The following RCAN3 variants were observed in gnomAD, a reference collection of about 807,000 sequenced individuals.
RCAN3 encodes regulator of calcineurin 3, also known as calcipressin-3.
RCAN3 carries 19 observed loss-of-function variants against 21.9 expected under a neutral mutation model. The ratio of observed to expected loss-of-function variants is 0.87; its 90% CI spans 0.61 to 1.27. The LOEUF (loss-of-function observed/expected upper bound fraction) is 1.27. RCAN3 is among the 50% of genes most tolerant of loss of function. The pLI is 0.00. For synonymous variants in RCAN3, 114 were observed against 112.3 expected, an observed-to-expected ratio of 1.01 and a Z score of -0.09; for missense variants, 240 against 300.1, an observed-to-expected ratio of 0.80 and a Z score of 1.48.
chr1:24,530,356 C>CAAAAAAAAAAAAAAA lies in RCAN3; in HGVS notation c.196-853_196-839dup, dbSNP rs56914359. On this transcript the variant is annotated intron_variant, in intron 2 of 4. Coordinates refer to ENST00000374395, the MANE Select transcript of RCAN3 (RefSeq NM_013441.4). Reference sequence around the variant, plus strand: ...GGCAACAGAGTGAGACTCTTATCTCCAAAAAAAAAAAAAAAAAAAAAAAGA... The same window carrying CAAAAAAAAAAAAAAA: ...GGCAACAGAGTGAGACTCTTATCTCCAAAAAAAAAAAAAAAAAAAAAAAAAAAAAAAAAAAAAAGA... Among the ~76,000 whole-genome samples, 184 of 81,476 alleles carry CAAAAAAAAAAAAAAA rather than the reference C, an allele frequency of 2.3e-3. 5 individuals carry two copies. The highest frequency in any genetic ancestry group is 3.0e-3 in the Non-Finnish European group (127 of 41,922). The allele number at this position is 81,476 out of a possible 152,430, so 53.5% of individuals were successfully genotyped here. A position where few individuals can be genotyped will look rare whatever the true frequency, so the allele number is the denominator to read the frequency against.
At chr1:24,526,407 A>AAG (rs142301367) in intron 2 of RCAN3, among the ~76,000 whole-genome samples, 309 of 150,580 alleles carry the variant, frequency 2.1e-3, no homozygotes, top group African/African-American at 5.8e-3. Context: ...TGGATTTTGG[A>AAG]AGAGAGAGAG....
rs149344807 is a variant in RCAN3, at chr1:24,519,099, T to G, written c.195+4532T>G. 2.9e-3 allele frequency among the ~76,000 whole-genome samples: 435 copies of G among 152,156 alleles called. 2 individuals carry two copies. Among genetic ancestry groups the G allele is most frequent in the African/African-American group, 9.9e-3 (410 of 41,532 alleles). ...CTAATTTTTGTATTTTTAGTAGAGA[T>G]AGAGTTTCGCCATGTTGGCCAAGCT... On this transcript the variant is annotated intron_variant, in intron 2 of 4. Coordinates refer to ENST00000374395, the MANE Select transcript of RCAN3 (RefSeq NM_013441.4).
chr1:24,529,608 TG>T (rs1649585385), intron 2 of RCAN3, among the ~76,000 whole-genome samples: 2 of 145,754 alleles, frequency 1.4e-5, no homozygotes, highest in Admixed American at 6.8e-5. Context: ...TGGAGTGCAG[TG>T]GCAGGATCTT....
In RCAN3 at chr1:24,536,320, A is replaced by G. The variant is rs1156893016; in HGVS notation, c.*1043A>G. The G allele has an allele frequency of 6.6e-6, 1 of 152,034 alleles. No individual in the cohort carries two copies. Among genetic ancestry groups the G allele is most frequent in the Non-Finnish European group, 1.5e-5 (1 of 68,004 alleles). The allele number at this position is 152,034 out of a possible 1,614,324, so 9.4% of individuals were successfully genotyped here. On this transcript the variant is annotated 3_prime_UTR_variant, in exon 5 of 5. Coordinates refer to ENST00000374395, the MANE Select transcript of RCAN3 (RefSeq NM_013441.4). ...CTTTGAAACAAAAGTCACACCTACT[A>G]TTTTTCTATGAATTAGGGAATGAGG...
Position 24,538,539 on chromosome 1 carries a change from G to A in RCAN3, c.*3262G>A, listed in dbSNP as rs1650346781. The stretch of plus-strand genomic sequence containing the variant: ...CCTGCCTCAGCCTCCCAAGTAGCTG[G>A]GACTACAGGCGCCCGCTCCCACGCC... On this transcript the variant is annotated 3_prime_UTR_variant, in exon 5 of 5. Coordinates refer to ENST00000374395, the MANE Select transcript of RCAN3 (RefSeq NM_013441.4). 6.6e-6 allele frequency: 1 copy of A among 150,598 alleles called. No individual in the cohort carries two copies. The allele number at this position is 150,598 out of a possible 1,614,324, so 9.3% of individuals were successfully genotyped here. A position where few individuals can be genotyped will look rare whatever the true frequency, so the allele number is the denominator to read the frequency against.
chr1:24,504,177 T>TTTCTC (rs547638228), intron 1 of RCAN3, among the ~76,000 whole-genome samples: 10 of 152,178 alleles, frequency 6.6e-5, no homozygotes, highest in African/African-American at 2.2e-4. Flanking sequence ...TGCCTTTTCT[T>TTTCTC]TTCTCTTCTC....
chr1:24,523,055 T>C (rs1457938015), intron 2 of RCAN3, among the ~76,000 whole-genome samples: 1 of 133,266 alleles, frequency 7.5e-6, no homozygotes, highest in Non-Finnish European at 1.5e-5. Context: ...ATTCTGTGTG[T>C]ATGTACACAC....
chr1:24,533,261 AAC>A lies in RCAN3; in HGVS notation c.541+8_541+9del. 1 of 1,522,826 alleles carries A rather than the reference AAC, an allele frequency of 6.6e-7. No individual in the cohort carries two copies. The highest frequency in any genetic ancestry group is 2.3e-5 in the Admixed American group (1 of 44,276). The allele number at this position is 1,522,826 out of a possible 1,614,324, so 94.3% of individuals were successfully genotyped here. A position where few individuals can be genotyped will look rare whatever the true frequency, so the allele number is the denominator to read the frequency against. Reference sequence around the variant, plus strand: ...GTTTCCAAATTGGGACCAGGTAATAAACTTCTATTTTTCCTATTTTCTTCCCC... The same window carrying A: ...GTTTCCAAATTGGGACCAGGTAATAATTCTATTTTTCCTATTTTCTTCCCC... On this transcript the variant is annotated splice_region_variant and intron_variant, in intron 4 of 4. Transcript: ENST00000374395.
intron 3 of RCAN3, among the ~76,000 whole-genome samples, chr1:24,532,108 A>G (rs530752973): frequency 1.6e-4 from 24 of 152,302 alleles, no homozygotes; most frequent in Non-Finnish European, 2.8e-4. Flanking sequence ...GTTTCTTGGT[A>G]GAGTCTCTTG....
chr1:24,510,001 G>A (rs993696305), intron 1 of RCAN3, among the ~76,000 whole-genome samples: 17 of 152,284 alleles, frequency 1.1e-4, no homozygotes, highest in African/African-American at 3.1e-4. Flanking sequence ...GTGACCAAGC[G>A]AATTGTCAAC....
chr1:24,515,523 A>G (rs1648246274), intron 2 of RCAN3, among the ~76,000 whole-genome samples: 1 of 151,908 alleles, frequency 6.6e-6, no homozygotes, highest in Non-Finnish European at 1.5e-5. Context: ...TAGTCCCACA[A>G]AAGTAAAATA....
intron 2 of RCAN3, among the ~76,000 whole-genome samples, chr1:24,514,783 A>G (rs1248016935): frequency 1.3e-5 from 2 of 152,082 alleles, no homozygotes; most frequent in African/African-American, 4.8e-5. Context: ...AGCTTGGGCA[A>G]CATATAGAAA....
chr1:24,529,610 G>GA (rs1296268143), intron 2 of RCAN3, among the ~76,000 whole-genome samples: 4 of 147,062 alleles, frequency 2.7e-5, no homozygotes, highest in African/African-American at 1.0e-4. Context: ...GAGTGCAGTG[G>GA]CAGGATCTTG....
At chr1:24,507,411 GACATATCAGTGGGGTA>G (rs1647527401) in intron 1 of RCAN3, among the ~76,000 whole-genome samples, 1 of 152,182 alleles carries the variant, frequency 6.6e-6, no homozygotes, top group African/African-American at 2.4e-5. Context: ...TGTCTGTGCT[GACATATCAGTGGGGTA>G]ACTAAAATAC....
At chr1:24,529,453 G>C (rs1053015156) in intron 2 of RCAN3, among the ~76,000 whole-genome samples, 2 of 150,202 alleles carry the variant, frequency 1.3e-5, no homozygotes, top group Admixed American at 6.6e-5. Flanking sequence ...GGAGGCTGAA[G>C]TAGGGGCGGG....
At chr1:24,511,735 C>T (rs749632960) in intron 1 of RCAN3, among the ~76,000 whole-genome samples, 34 of 152,158 alleles carry the variant, frequency 2.2e-4, no homozygotes, top group Non-Finnish European at 3.4e-4. Flanking sequence ...CGTTTGAAAG[C>T]GGTACTGATA....
intron 1 of RCAN3, among the ~76,000 whole-genome samples, chr1:24,512,989 G>C (rs113369485): frequency 0.045 from 6,787 of 152,222 alleles, 528 homozygotes; most frequent in African/African-American, 0.15. Context: ...TGTAATCCCA[G>C]CGCTTTAGGA....
At chr1:24,508,431 T>C (rs1570443763) in intron 1 of RCAN3, among the ~76,000 whole-genome samples, 2 of 152,174 alleles carry the variant, frequency 1.3e-5, no homozygotes, top group African/African-American at 2.4e-5. Flanking sequence ...AGGAACTTAG[T>C]TGAGAACCTC....
intron 1 of RCAN3, among the ~76,000 whole-genome samples, chr1:24,503,546 C>T (rs567501743): frequency 6.6e-6 from 1 of 152,342 alleles, no homozygotes; most frequent in African/African-American, 2.4e-5. Flanking sequence ...TCTCCCTTGC[C>T]CCGCTTCCCC....
Sources: allele counts gnomAD v4.1 joint callset (sites outside exome capture counted in the v4.1 genomes callset), GRCh38; gene constraint gnomAD v4.1.1; transcripts MANE v1.5; gene names NCBI Gene and HGNC (gene_info 2026-07-23, HGNC 2026-07-21).